The following CCNG1 variants were observed in gnomAD, a reference collection of about 807,000 sequenced individuals.
The protein encoded by CCNG1 is cyclin-G1.
A neutral mutation model predicts 30.0 loss-of-function variants in CCNG1; 13 were observed. That is an observed-to-expected ratio of 0.43 (90% CI 0.28 to 0.69). CCNG1 has a LOEUF of 0.69. Among genes scored for constraint, CCNG1 ranks in the 30% least tolerant of loss-of-function variants. The pLI is 0.16. For synonymous variants in CCNG1, 110 were observed against 121.5 expected, an observed-to-expected ratio of 0.91 and a Z score of 0.62; for missense variants, 285 against 331.4, an observed-to-expected ratio of 0.86 and a Z score of 1.09.
chr5:163,442,160 G>A lies in CCNG1; in HGVS notation c.696+17G>A, dbSNP rs573590129. The A allele has an allele frequency of 6.7e-7, 1 of 1,501,788 alleles. No homozygotes were observed. The highest frequency in any genetic ancestry group is 1.4e-5 in the African/African-American group (1 of 72,086). The allele number at this position is 1,501,788 out of a possible 1,614,324, so 93.0% of individuals were successfully genotyped here. The stretch of plus-strand genomic sequence containing the variant: ...CATTCCAAGGTATGTGAAGGACATA[G>A]CCTAAATCCTATTAACAGCTGTAAA... On this transcript the variant is annotated intron_variant, in intron 5 of 6. Transcript: ENST00000340828.
At chr5:163,439,024 CAAAAA>C (rs5872822) in intron 1 of CCNG1, among the ~76,000 whole-genome samples, 1 of 97,256 alleles carries the variant, frequency 1.0e-5, no homozygotes, top group Non-Finnish European at 2.3e-5. Context: ...GACTCCTTCT[CAAAAA>C]AAAAAAAAAA....
At chr5:163,442,023 A>T (rs777392626) in intron 4 of CCNG1, 22 bp from the exon 5 acceptor site, 1 of 1,595,096 alleles carries the variant, frequency 6.3e-7, no homozygotes, top group South Asian at 1.1e-5. Context: ...TTTGGCATTT[A>T]CTTTAAATTT....
At chr5:163,443,260 T>G (rs1171657579) in intron 6 of CCNG1, among the ~76,000 whole-genome samples, 1 of 142,076 alleles carries the variant, frequency 7.0e-6, no homozygotes, top group Non-Finnish European at 1.5e-5. Flanking sequence ...TGCAGTGAGC[T>G]GAGATCGCGC....
Position 163,444,813 on chromosome 5 carries a change from A to T in CCNG1, c.*1143A>T, listed in dbSNP as rs923877142. 2 of 152,632 alleles carry T rather than the reference A, an allele frequency of 1.3e-5. No homozygotes were observed. Among genetic ancestry groups the T allele is most frequent in the Non-Finnish European group, 2.9e-5 (2 of 68,038 alleles). The allele number at this position is 152,632 out of a possible 1,614,324, so 9.5% of individuals were successfully genotyped here. A position where few individuals can be genotyped will look rare whatever the true frequency, so the allele number is the denominator to read the frequency against. On this transcript the variant is annotated 3_prime_UTR_variant, in exon 7 of 7. Transcript: ENST00000340828. Reference sequence around the variant, plus strand: ...CGTTATGGATCAGTACACAATGAAAAACCAAAGAACCACAGTATATCTTAT... The same window carrying T: ...CGTTATGGATCAGTACACAATGAAATACCAAAGAACCACAGTATATCTTAT...
downstream of CCNG1, among the ~76,000 whole-genome samples, chr5:163,445,516 C>T (rs747293157): frequency 1.3e-5 from 2 of 151,898 alleles, no homozygotes; most frequent in African/African-American, 4.8e-5. Flanking sequence ...TGCAGTGGCG[C>T]GATCTTGGCT....
At chr5:163,443,138 T>C (rs1757904067) in intron 6 of CCNG1, among the ~76,000 whole-genome samples, 1 of 151,810 alleles carries the variant, frequency 6.6e-6, no homozygotes, top group Admixed American at 6.6e-5. Context: ...TGAAACCCCG[T>C]CTCTGCTAAA....
intron 1 of CCNG1, among the ~76,000 whole-genome samples, chr5:163,438,504 TCA>T (rs1427122869): frequency 1.3e-5 from 2 of 152,228 alleles, no homozygotes; most frequent in African/African-American, 4.8e-5. Flanking sequence ...TCATTTTAAC[TCA>T]CAAATCTGTG....
downstream of CCNG1, chr5:163,448,287 A>G (rs1758092577): frequency 6.6e-6 from 1 of 152,202 alleles, no homozygotes; most frequent in Admixed American, 6.5e-5. Flanking sequence ...AAAGAGCAGT[A>G]AAATTGATAA....
rs973349574 is a variant in CCNG1, at chr5:163,444,405, A to G, written c.*735A>G. On this transcript the variant is annotated 3_prime_UTR_variant, in exon 7 of 7. Coordinates refer to ENST00000340828, the MANE Select transcript of CCNG1 (RefSeq NM_004060.4). ...AACCTACTGCCTCAAACTGAATCCC[A>G]TCAAGAAAACTAGTTTCTATTGTAT... 1 of 152,648 alleles carries G rather than the reference A, an allele frequency of 6.6e-6. No homozygotes were observed. The highest frequency in any genetic ancestry group is 2.4e-5 in the African/African-American group (1 of 41,458). The allele number at this position is 152,648 out of a possible 1,614,324, so 9.5% of individuals were successfully genotyped here. A position where few individuals can be genotyped will look rare whatever the true frequency, so the allele number is the denominator to read the frequency against.
chr5:163,449,948 A>C (rs969844678), downstream of CCNG1: 1 of 152,174 alleles, frequency 6.6e-6, no homozygotes. Flanking sequence ...AAATTTATAA[A>C]ATTTTTAGAA....
intron 3 of CCNG1, 110 bp downstream of exon 3, chr5:163,441,441 G>T (rs1362197537): frequency 9.7e-7 from 1 of 1,029,336 alleles, no homozygotes; most frequent in Non-Finnish European, 1.4e-6. Context: ...TAAGTAAAAT[G>T]ACAGCTGTGG....
In CCNG1 at chr5:163,443,742, G is replaced by C; in HGVS notation, c.*72G>C. 1 of 1,518,920 alleles carries C rather than the reference G, an allele frequency of 6.6e-7. No homozygotes were observed. Among genetic ancestry groups the C allele is most frequent in the Non-Finnish European group, 8.8e-7 (1 of 1,134,072 alleles). The allele number at this position is 1,518,920 out of a possible 1,614,324, so 94.1% of individuals were successfully genotyped here. ...AACCTTGTTCTATGGATTCCATAAT[G>C]TTACAATGGATTTAAGCTATGAAGC... On this transcript the variant is annotated 3_prime_UTR_variant, in exon 7 of 7. Transcript: ENST00000340828.
the CCNG1 span, among the ~76,000 whole-genome samples, chr5:163,454,515 A>G: frequency 8.6e-5 from 13 of 152,014 alleles, no homozygotes; most frequent in African/African-American, 2.7e-4. Context: ...CTAATTTTGT[A>G]TTTTTAGTAG....
At chr5:163,457,200 C>G in the CCNG1 span, 1 of 1,066,796 alleles carries the variant, frequency 9.4e-7, no homozygotes, top group Non-Finnish European at 1.3e-6. Flanking sequence ...GGCTTGATCT[C>G]GGCTCACTGA....
the CCNG1 span, chr5:163,457,139 G>GTTT: frequency 0.011 from 12,803 of 1,203,764 alleles, 3 homozygotes; most frequent in East Asian, 0.055. Context: ...TCATCAAGTT[G>GTTT]TTTTTTTTTT....
chr5:163,440,676 G>GA (rs1757768283), intron 2 of CCNG1, among the ~76,000 whole-genome samples: 1 of 152,032 alleles, frequency 6.6e-6, no homozygotes, highest in Admixed American at 6.5e-5. Flanking sequence ...CAAGAGCCTG[G>GA]AAAAAATACA....
chr5:163,441,526 G>T, intron 3 of CCNG1, 195 bp downstream of exon 3: 1 of 552,786 alleles, frequency 1.8e-6, no homozygotes, highest in Admixed American at 3.6e-5. Flanking sequence ...CTAATTCTTG[G>T]GATTAAAGTA....
intron 1 of CCNG1, among the ~76,000 whole-genome samples, chr5:163,438,131 CCAGGGCTTAGCTTGTGCCCGGGA>C (rs1757585183): frequency 6.6e-6 from 1 of 152,120 alleles, no homozygotes; most frequent in African/African-American, 2.4e-5. Context: ...TTCCATGTAT[CCAGGGCTTAGCTTGTGCCCGGGA>C]CATGGTTGTG....
At chr5:163,455,696 G>A in the CCNG1 span, among the ~76,000 whole-genome samples, 15,357 of 150,332 alleles carry the variant, frequency 0.1, 839 homozygotes, top group Middle Eastern at 0.12. Flanking sequence ...TCCGGGAGGC[G>A]GAGCTTGCAG....
Sources: gnomAD v4.1 joint callset for allele counts (sites outside exome capture counted in the v4.1 genomes callset) on GRCh38, gnomAD v4.1.1 for gene constraint, MANE v1.5 for transcripts, NCBI Gene and HGNC (gene_info 2026-07-23, HGNC 2026-07-21) for gene names.